STARD4: variants seen among roughly 807,000 people sequenced by gnomAD.
STARD4 encodes the protein stAR-related lipid transfer protein 4.
In STARD4, 33 loss-of-function variants were observed where a neutral mutation model predicts 24.9. That is an observed-to-expected ratio of 1.32 (90% CI 1.00 to 1.77). The LOEUF is 1.77. Among genes scored for constraint, STARD4 ranks in the 40% most tolerant of loss-of-function variants. The probability of loss-of-function intolerance (pLI) is 0.00; values close to 1 mark genes in which losing one functional copy is unlikely to be tolerated. For synonymous variants in STARD4, 88 were observed against 77.4 expected (o/e 1.14, Z -0.72); for missense variants, 238 against 249.3 (o/e 0.95, Z 0.31).
At chr5:111,511,625 A>G (rs1016703333) in intron 1 of STARD4, among the ~76,000 whole-genome samples, 3 of 152,198 alleles carry the variant, frequency 2.0e-5, no homozygotes, top group Non-Finnish European at 4.4e-5. Flanking sequence ...AAGATCACAC[A>G]GTTCATAAGT....
rs527752304 is a variant in STARD4, at chr5:111,507,706, G to C, written c.-9-264C>G. 6.6e-6 allele frequency among the ~76,000 whole-genome samples: 1 copy of C among 152,252 alleles called. No individual in the cohort carries two copies. The highest frequency in any genetic ancestry group is 1.9e-4 in the East Asian group (1 of 5,186). On this transcript the variant is annotated intron_variant, in intron 1 of 5. Coordinates refer to ENST00000296632, the MANE Select transcript of STARD4 (RefSeq NM_139164.3). This position sits in a 1 kb window ranked among gnomAD's most constrained non-coding sequence, Gnocchi z 4.4. ...AAAATCACTCATACAGAAAGTAGAA[G>C]AGAAGACAGGAGGAAGGGGAAGCAA...
Position 111,500,061 on chromosome 5 carries a change from C to A in STARD4, c.443G>T (p.Gly148Val), listed in dbSNP as rs866147793. Residue 148 changes from glycine (G) to valine (V), a missense_variant, in exon 6 of 6, where the codon GGA becomes GTA. Physicochemically the swap from Gly to Val is moderately radical, Grantham distance 109 (BLOSUM62 -3). Coordinates refer to ENST00000296632, the MANE Select transcript of STARD4 (RefSeq NM_139164.3). ...AAACCAACCACAGGGATGGTTATAT[C>A]CTCGAACAAATTCTGGTCTCTTTTC... The part of the protein sequence containing the change: ...WDEKRPEFVR[G>V]YNHPCGWFCV... 3.1e-6 allele frequency: 5 copies of A among 1,613,850 alleles called. No individual in the cohort carries two copies. The highest frequency in any genetic ancestry group is 4.2e-6 in the Non-Finnish European group (5 of 1,179,822).
At position 111,507,896 on chromosome 5, in the gene STARD4, T is replaced by C. The variant is rs1756982565; in HGVS notation, c.-9-454A>G. The stretch of plus-strand genomic sequence containing the variant: ...TTCCCTCAATTTGTCACAGTATTCC[T>C]CATTTTAACAATTTACTATTAAAAT... On this transcript the variant is annotated intron_variant, in intron 1 of 5. Transcript: ENST00000296632. This position sits in a 1 kb window ranked among gnomAD's most constrained non-coding sequence, Gnocchi z 4.4. 6.6e-6 allele frequency among the ~76,000 whole-genome samples: 1 copy of C among 152,196 alleles called. No individual in the cohort carries two copies. Among genetic ancestry groups the C allele is most frequent in the Non-Finnish European group, 1.5e-5 (1 of 68,016 alleles).
In STARD4 at chr5:111,501,012, A is replaced by C; in HGVS notation, c.387T>G (p.Leu129=). ...TGTTGAGATTATTACCACAAGATAA[A>C]AGCCCTTCTTTATAGCCCACAGTAT... The part of the protein sequence containing the change: ...FSYTVGYKEG[L]LSCGISLDWD... The change falls in exon 5 of 6, where the codon CTT becomes CTG. Residue 129 remains leucine (L), a synonymous_variant. Transcript: ENST00000296632. 1 of 1,613,898 alleles carries C rather than the reference A, an allele frequency of 6.2e-7. No homozygotes were observed. Among genetic ancestry groups the C allele is most frequent in the Non-Finnish European group, 8.5e-7 (1 of 1,179,906 alleles).
Position 111,508,311 on chromosome 5 carries a change from A to G in STARD4, c.-9-869T>C, listed in dbSNP as rs191393430. ...AGAGGTCCTTTTCTTATTCACCACT[A>G]TAACTCCACCACCTAGAACACTGCC... On this transcript the variant is annotated intron_variant, in intron 1 of 5. Coordinates refer to ENST00000296632, the MANE Select transcript of STARD4 (RefSeq NM_139164.3). 1.2e-4 allele frequency among the ~76,000 whole-genome samples: 19 copies of G among 152,236 alleles called. 1 individual carries two copies. In the East Asian group the frequency reaches 3.3e-3, roughly 26 times the overall value.
chr5:111,502,229 G>GATTAC, intron 3 of STARD4, 141 bp from the exon 4 acceptor site: 2 of 980,834 alleles, frequency 2.0e-6, no homozygotes, highest in Non-Finnish European at 2.9e-6. Context: ...AGCATTCTGG[G>GATTAC]AGGCTGAGGT....
intron 1 of STARD4, among the ~76,000 whole-genome samples, chr5:111,511,913 C>G (rs945308408): frequency 3.9e-5 from 6 of 152,124 alleles, no homozygotes; most frequent in African/African-American, 1.4e-4. Flanking sequence ...CCTGGGAAAA[C>G]TTTGTCTCTT....
intron 4 of STARD4, 47 bp from the exon 5 acceptor site, chr5:111,501,163 C>A (rs753847970): frequency 1.9e-5 from 29 of 1,526,226 alleles, no homozygotes; most frequent in Admixed American, 6.9e-5. Context: ...AGGAAACATA[C>A]ATAGCTTCAT....
At chr5:111,503,500 A>G (rs992518771) in intron 3 of STARD4, among the ~76,000 whole-genome samples, 1 of 152,044 alleles carries the variant, frequency 6.6e-6, no homozygotes, top group Non-Finnish European at 1.5e-5. Context: ...GTGGTGGCGC[A>G]TGCCTATAGT....
Position 111,502,005 on chromosome 5 carries a change from TC to T in STARD4, c.238del (p.Asp80ThrfsTer3). The T allele has an allele frequency of 6.2e-7, 1 of 1,614,136 alleles. No homozygotes were observed. Among genetic ancestry groups the T allele is most frequent in the Non-Finnish European group, 8.5e-7 (1 of 1,180,030 alleles). On this transcript the variant is annotated frameshift_variant, in exon 4 of 6. Coordinates refer to ENST00000296632, the MANE Select transcript of STARD4 (RefSeq NM_139164.3). LOFTEE classifies it high-confidence loss of function. ...AATATCCAAAGAAGTCATCAAGCTG[TC>T]CCAATCCAAACGACAAGGCCCTGGG... is the stretch of plus-strand genomic sequence containing the variant. ...IRPGPCRLDWDSLMTSLDILE... is the reference protein window; with the variant it reads ...IRPGPCRLDWXSLMTSLDILE...
rs921486878 is a variant in STARD4, at chr5:111,507,038, T to A, written c.105+291A>T. ...GTACTACACTTTCTTAAATTAATAATGATACATTTTATTTGCTGACTTAAG... is the reference window on the plus strand; with the variant it reads ...GTACTACACTTTCTTAAATTAATAAAGATACATTTTATTTGCTGACTTAAG... On this transcript the variant is annotated intron_variant, in intron 2 of 5. Coordinates refer to ENST00000296632, the MANE Select transcript of STARD4 (RefSeq NM_139164.3). The surrounding 1 kb of genome is among the most constrained non-coding windows in gnomAD (Gnocchi z 4.4). Among the ~76,000 whole-genome samples, 1 of 152,212 alleles carries A rather than the reference T, an allele frequency of 6.6e-6. No individual in the cohort carries two copies. Among genetic ancestry groups the A allele is most frequent in the Non-Finnish European group, 1.5e-5 (1 of 68,028 alleles).
In STARD4 at chr5:111,506,331, G is replaced by A; in HGVS notation, c.154C>T (p.Leu52Phe). Residue 52 changes from leucine (L) to phenylalanine (F), a missense_variant and splice_region_variant, in exon 3 of 6, where the codon CTC becomes TTC. Coordinates refer to ENST00000296632, the MANE Select transcript of STARD4 (RefSeq NM_139164.3). ...RKPSEEFNGYLYKAQGVIDDL... is the reference protein window; with the variant it reads ...RKPSEEFNGYFYKAQGVIDDL... ...GTAAGTCTATAAAAAGTTACTTACA[G>A]ATATCCATTAAATTCTTCTGAGGGT... The A allele has an allele frequency of 6.7e-7, 1 of 1,486,570 alleles. No individual in the cohort carries two copies. The highest frequency in any genetic ancestry group is 9.2e-7 in the Non-Finnish European group (1 of 1,082,852). The allele number at this position is 1,486,570 out of a possible 1,614,324, so 92.1% of individuals were successfully genotyped here.
rs369073787 is a variant in STARD4, at chr5:111,507,546, TAA to T, written c.-9-106_-9-105del. On this transcript the variant is annotated intron_variant, in intron 1 of 5. Transcript: ENST00000296632. This position sits in a 1 kb window ranked among gnomAD's most constrained non-coding sequence, Gnocchi z 4.4. ...ACAATATAATAACCTACCAGAGCTA[TAA>T]AAGATAGCTACCCTCACCCCAAATC... 1.6e-5 allele frequency: 12 copies of T among 754,338 alleles called. No homozygotes were observed. The highest frequency in any genetic ancestry group is 1.3e-4 in the African/African-American group (7 of 55,850). 46.7% of individuals were successfully genotyped at this position (754,338 alleles called of 1,614,324 possible). A position where few individuals can be genotyped will look rare whatever the true frequency, so the allele number is the denominator to read the frequency against.
In STARD4 at chr5:111,507,820, G is replaced by A. The variant is rs1756976836; in HGVS notation, c.-9-378C>T. 6.6e-6 allele frequency among the ~76,000 whole-genome samples: 1 copy of A among 152,090 alleles called. No homozygotes were observed. Among genetic ancestry groups the A allele is most frequent in the Non-Finnish European group, 1.5e-5 (1 of 67,988 alleles). On this transcript the variant is annotated intron_variant, in intron 1 of 5. Coordinates refer to ENST00000296632, the MANE Select transcript of STARD4 (RefSeq NM_139164.3). This position sits in a 1 kb window ranked among gnomAD's most constrained non-coding sequence, Gnocchi z 4.4. ...AATGAGCTCAAAAATCCCAGATCCA[G>A]AAGCCTACTTAAAGCTTCAAGCCTA... is the stretch of plus-strand genomic sequence containing the variant.
intron 3 of STARD4, among the ~76,000 whole-genome samples, chr5:111,502,701 G>A (rs973057688): frequency 1.1e-4 from 16 of 151,966 alleles, no homozygotes; most frequent in Non-Finnish European, 2.4e-4. Flanking sequence ...GCTGAGGCAG[G>A]AGAATCGCTT....
chr5:111,508,657 CA>C (rs1415217691), intron 1 of STARD4, among the ~76,000 whole-genome samples: 2 of 152,138 alleles, frequency 1.3e-5, no homozygotes, highest in Non-Finnish European at 2.9e-5. Context: ...ACATCAGAAT[CA>C]CCTTTTTATG....
chr5:111,500,953 A>C (rs755880805), intron 5 of STARD4, 49 bp downstream of exon 5: 32 of 1,611,736 alleles, frequency 2.0e-5, no homozygotes, highest in Non-Finnish European at 2.4e-5. Context: ...AAGAAAACAC[A>C]AATATTTAAA....
At chr5:111,504,275 A>G (rs879042025) in intron 3 of STARD4, among the ~76,000 whole-genome samples, 1 of 152,244 alleles carries the variant, frequency 6.6e-6, no homozygotes. Flanking sequence ...AAATCTATCA[A>G]TAGGTGAATC....
At chr5:111,509,095 A>G (rs572695381) in intron 1 of STARD4, among the ~76,000 whole-genome samples, 1 of 152,222 alleles carries the variant, frequency 6.6e-6, no homozygotes, top group Admixed American at 6.5e-5. Context: ...TTTCCATTCA[A>G]GAGGCTGTCA....
Sources: gnomAD v4.1 joint callset for allele counts (sites outside exome capture counted in the v4.1 genomes callset) on GRCh38, gnomAD v4.1.1 for gene constraint, Gnocchi (gnomAD v3.1) non-coding constraint, MANE v1.5 for transcripts, NCBI Gene and HGNC (gene_info 2026-07-23, HGNC 2026-07-21) for gene names.